NXPH1: variants seen among roughly 807,000 people sequenced by gnomAD.
NXPH1 encodes the protein neurexophilin 1, also known as neurexophilin-1.
In NXPH1, 5 loss-of-function variants were observed where a neutral mutation model predicts 23.7. That is an observed-to-expected ratio of 0.21 (90% confidence interval 0.11 to 0.44). NXPH1 has a LOEUF of 0.44. Ranked by LOEUF, NXPH1 falls within the 20% of genes least tolerant of loss-of-function variation. The pLI is 0.99. For synonymous variants in NXPH1, 144 were observed against 122.2 expected, an observed-to-expected ratio of 1.18 and a Z score of -1.18; for missense variants, 324 against 321.6, an observed-to-expected ratio of 1.01 and a Z score of -0.06.
Position 8,435,873 on chromosome 7 carries a change from G to A in NXPH1, c.54+106G>A. 9.4e-7 allele frequency: 1 copy of A among 1,059,138 alleles called. No homozygotes were observed. The allele number at this position is 1,059,138 out of a possible 1,614,324, so 65.6% of individuals were successfully genotyped here. On this transcript the variant is annotated intron_variant, in intron 2 of 2. Transcript: ENST00000405863. The surrounding 1 kb of genome is among the most constrained non-coding windows in gnomAD (Gnocchi z 5.9). ...TTACGCCGCCAGTTCAGTGAGAGCA[G>A]CTTCCTAGCAGCTGTGTTGGAGCAA...
At chr7:8,524,876 T>A (rs192363328) in intron 2 of NXPH1, among the ~76,000 whole-genome samples, 2 of 152,308 alleles carry the variant, frequency 1.3e-5, no homozygotes, top group African/African-American at 4.8e-5. Flanking sequence ...AAACTTCTCT[T>A]TTTCTTCCCA....
At chr7:8,589,615 A>G (rs1382160518) in intron 2 of NXPH1, among the ~76,000 whole-genome samples, 2 of 152,122 alleles carry the variant, frequency 1.3e-5, no homozygotes, top group South Asian at 2.1e-4. Flanking sequence ...GGTCATGCAG[A>G]CAGAGCAGGT....
At chr7:8,523,353 A>G (rs1292709644) in intron 2 of NXPH1, among the ~76,000 whole-genome samples, 1 of 152,208 alleles carries the variant, frequency 6.6e-6, no homozygotes, top group African/African-American at 2.4e-5. Flanking sequence ...GGTCCCCCCA[A>G]CCAGGTTTTC....
At chr7:8,588,582 C>T (rs914804218) in intron 2 of NXPH1, among the ~76,000 whole-genome samples, 6 of 152,216 alleles carry the variant, frequency 3.9e-5, no homozygotes, top group Admixed American at 2.6e-4. Context: ...TTTCCACAGC[C>T]CTCCAGAGAG....
chr7:8,462,013 C>T lies in NXPH1; in HGVS notation c.54+26246C>T, dbSNP rs111462265. On this transcript the variant is annotated intron_variant, in intron 2 of 2. Coordinates refer to ENST00000405863, the MANE Select transcript of NXPH1 (RefSeq NM_152745.3). Reference sequence around the variant, plus strand: ...TTAAAAACATTACTCTTTTAAATGACCACACTGTTATGTATATCTATATAT... The same window carrying T: ...TTAAAAACATTACTCTTTTAAATGATCACACTGTTATGTATATCTATATAT... 4.7e-4 allele frequency among the ~76,000 whole-genome samples: 71 copies of T among 150,998 alleles called. 1 individual carries two copies. Among genetic ancestry groups the T allele is most frequent in the Non-Finnish European group, 8.8e-4 (60 of 67,928 alleles).
At chr7:8,568,652 A>G (rs968242642) in intron 2 of NXPH1, among the ~76,000 whole-genome samples, 5 of 147,890 alleles carry the variant, frequency 3.4e-5, no homozygotes. Context: ...CTTAGCAAAA[A>G]AAAAAAAAAA....
At chr7:8,511,909 G>C (rs1035260174) in intron 2 of NXPH1, among the ~76,000 whole-genome samples, 1 of 152,150 alleles carries the variant, frequency 6.6e-6, no homozygotes, top group Non-Finnish European at 1.5e-5. Context: ...CTGAAAGAAA[G>C]TAGCCACCGG....
intron 2 of NXPH1, among the ~76,000 whole-genome samples, chr7:8,679,138 G>A (rs1183678240): frequency 1.3e-5 from 2 of 151,272 alleles, no homozygotes; most frequent in Non-Finnish European, 1.5e-5. Context: ...TAGTAGAGAC[G>A]GGGTTTCACC....
At chr7:8,657,097 T>A (rs1400524507) in intron 2 of NXPH1, among the ~76,000 whole-genome samples, 2 of 152,248 alleles carry the variant, frequency 1.3e-5, no homozygotes, top group African/African-American at 2.4e-5. Context: ...CAGTTTTAGC[T>A]ACATAAGGGC....
At position 8,710,913 on chromosome 7, in the gene NXPH1, C is replaced by T. The variant is rs184194547; in HGVS notation, c.55-40095C>T. 7.7e-3 allele frequency among the ~76,000 whole-genome samples: 890 copies of T among 115,234 alleles called. 169 individuals carry two copies. The highest frequency in any genetic ancestry group is 0.041 in the African/African-American group (835 of 20,284). The allele number at this position is 115,234 out of a possible 152,430, so 75.6% of individuals were successfully genotyped here. A position where few individuals can be genotyped will look rare whatever the true frequency, so the allele number is the denominator to read the frequency against. ...TCCTGACCTCATGATCCACCCGCCT[C>T]GGCCTCCCAAAGTGCTGGGACTACA... On this transcript the variant is annotated intron_variant, in intron 2 of 2. Transcript: ENST00000405863.
chr7:8,694,729 C>G (rs1821278365), intron 2 of NXPH1, among the ~76,000 whole-genome samples: 1 of 152,074 alleles, frequency 6.6e-6, no homozygotes, highest in South Asian at 2.1e-4. Context: ...CTATGCCAAC[C>G]TCTTTCCTAT....
At chr7:8,495,320 G>C (rs933862944) in intron 2 of NXPH1, among the ~76,000 whole-genome samples, 1 of 117,432 alleles carries the variant, frequency 8.5e-6, no homozygotes, top group Non-Finnish European at 1.9e-5. Flanking sequence ...CCCACATTAT[G>C]GAGAGTAATC....
At chr7:8,696,870 A>T (rs1432961010) in intron 2 of NXPH1, among the ~76,000 whole-genome samples, 1 of 142,952 alleles carries the variant, frequency 7.0e-6, no homozygotes, top group East Asian at 2.1e-4. Flanking sequence ...GAGGCCGGGC[A>T]CAGTAGCTCA....
chr7:8,461,558 C>T (rs571954320), intron 2 of NXPH1, among the ~76,000 whole-genome samples: 4 of 152,040 alleles, frequency 2.6e-5, no homozygotes, highest in Admixed American at 1.3e-4. Context: ...CGGCCGGGCG[C>T]GGTGGCTCAC....
At chr7:8,662,165 T>A (rs1417411164) in intron 2 of NXPH1, among the ~76,000 whole-genome samples, 1 of 124,826 alleles carries the variant, frequency 8.0e-6, no homozygotes, top group Non-Finnish European at 1.7e-5. Flanking sequence ...ACATGGCATA[T>A]GATTTTATAT....
At position 8,435,393 on chromosome 7, in the gene NXPH1, C is replaced by T. The variant is rs549716059; in HGVS notation, c.-110-211C>T. 2.7e-4 allele frequency: 123 copies of T among 455,786 alleles called. No homozygotes were observed. The highest frequency in any genetic ancestry group is 5.8e-4 in the Admixed American group (16 of 27,506). The allele number at this position is 455,786 out of a possible 1,614,324, so 28.2% of individuals were successfully genotyped here. A position where few individuals can be genotyped will look rare whatever the true frequency, so the allele number is the denominator to read the frequency against. On this transcript the variant is annotated intron_variant, in intron 1 of 2. Coordinates refer to ENST00000405863, the MANE Select transcript of NXPH1 (RefSeq NM_152745.3). This position sits in a 1 kb window ranked among gnomAD's most constrained non-coding sequence, Gnocchi z 5.9. ...CGCAGGGGGCAAGGAGCCCCTCACC[C>T]TCCCTCTCGTCCGCCCGCCCGCCTC...
chr7:8,605,754 C>T (rs1819472841), intron 2 of NXPH1, among the ~76,000 whole-genome samples: 1 of 151,754 alleles, frequency 6.6e-6, no homozygotes, highest in African/African-American at 2.4e-5. Flanking sequence ...AGAGTGGGGA[C>T]AATAAAAATC....
chr7:8,621,807 T>C (rs1303165463), intron 2 of NXPH1, among the ~76,000 whole-genome samples: 2 of 152,118 alleles, frequency 1.3e-5, no homozygotes, highest in South Asian at 2.1e-4. Context: ...AGGTTAAAAC[T>C]TCACATGCAT....
At chr7:8,483,822 T>C (rs1817113625) in intron 2 of NXPH1, among the ~76,000 whole-genome samples, 1 of 152,146 alleles carries the variant, frequency 6.6e-6, no homozygotes, top group Non-Finnish European at 1.5e-5. Context: ...AGTTTTAACA[T>C]TCTACAATGC....
Sources: gnomAD v4.1 joint callset for allele counts (sites outside exome capture counted in the v4.1 genomes callset) on GRCh38, gnomAD v4.1.1 for gene constraint, Gnocchi (gnomAD v3.1) non-coding constraint, MANE v1.5 for transcripts, NCBI Gene and HGNC (gene_info 2026-07-23, HGNC 2026-07-21) for gene names.